Variants in TMTC2 observed in about 807,000 individuals in gnomAD.
TMTC2 encodes protein O-mannosyl-transferase TMTC2.
Under a neutral mutation model 82.4 loss-of-function variants are expected in TMTC2, and 43 were observed. That is an observed-to-expected ratio of 0.52 (90% CI 0.41 to 0.67). The LOEUF (loss-of-function observed/expected upper bound fraction) is 0.67. Ranked by LOEUF, TMTC2 falls within the 30% of genes least tolerant of loss-of-function variation. The probability of loss-of-function intolerance (pLI) is 0.00; values close to 1 mark genes in which losing one functional copy is unlikely to be tolerated. For synonymous variants in TMTC2, 408 were observed against 381.9 expected (o/e 1.07, Z -0.80); for missense variants, 919 against 1,012.4 (o/e 0.91, Z 1.25).
chr12:83,045,737 A>G (rs1326332499), intron 9 of TMTC2, among the ~76,000 whole-genome samples: 2 of 151,300 alleles, frequency 1.3e-5, no homozygotes, highest in Non-Finnish European at 1.5e-5. Context: ...GCACACACAC[A>G]CACACACACA....
At chr12:82,964,932 A>G in intron 4 of TMTC2, 92 bp from the exon 5 acceptor site, 1 of 749,476 alleles carries the variant, frequency 1.3e-6, no homozygotes, top group Non-Finnish European at 2.1e-6. Context: ...TGTGCTGTTA[A>G]CCATTTTTAT....
At chr12:83,114,622 C>G (rs1295213203) in intron 11 of TMTC2, among the ~76,000 whole-genome samples, 1 of 152,004 alleles carries the variant, frequency 6.6e-6, no homozygotes, top group African/African-American at 2.4e-5. Context: ...CTGTAATTTC[C>G]ACAATATATA....
chr12:83,131,482 TTAAC>T (rs1398159560), intron 11 of TMTC2, among the ~76,000 whole-genome samples: 3 of 152,220 alleles, frequency 2.0e-5, no homozygotes, highest in Non-Finnish European at 4.4e-5. Flanking sequence ...TGAGAATTAC[TTAAC>T]TACTTTTTAA....
chr12:83,119,413 C>T (rs1351283772), intron 11 of TMTC2, among the ~76,000 whole-genome samples: 2 of 152,136 alleles, frequency 1.3e-5, no homozygotes, highest in East Asian at 3.9e-4. Flanking sequence ...AATCATCATT[C>T]AGGATCAGGT....
rs149708803 is a variant in TMTC2, at chr12:82,896,326, C to A, written c.1163C>A (p.Pro388His). ...GATGTATCACAGAGAACCCAGCTTC[C>A]TTCTACGGAGAACATTGTTGTTCTG... ...KNDVSQRTQL[P>H]STENIVVLSL... is the part of the protein sequence containing the mutation. Residue 388 changes from proline to histidine, a missense_variant, in exon 3 of 12, where the codon CCT becomes CAT. Coordinates refer to ENST00000321196, the MANE Select transcript of TMTC2 (RefSeq NM_152588.3). 2 of 1,613,994 alleles carry A rather than the reference C, an allele frequency of 1.2e-6. No individual in the cohort carries two copies. Among genetic ancestry groups the A allele is most frequent in the Non-Finnish European group, 1.7e-6 (2 of 1,180,018 alleles).
At chr12:82,882,754 T>C (rs1448948112) in intron 2 of TMTC2, among the ~76,000 whole-genome samples, 1 of 152,092 alleles carries the variant, frequency 6.6e-6, no homozygotes, top group African/African-American at 2.4e-5. Context: ...GTGAAAACTT[T>C]AGTTTAAAAA....
intron 11 of TMTC2, among the ~76,000 whole-genome samples, chr12:83,073,859 T>G (rs754150037): frequency 6.6e-6 from 1 of 152,170 alleles, no homozygotes; most frequent in Non-Finnish European, 1.5e-5. Flanking sequence ...TTCTGTTTCC[T>G]TGAATATTTC....
At chr12:82,832,360 C>T (rs1375084906) in intron 1 of TMTC2, among the ~76,000 whole-genome samples, 1 of 146,890 alleles carries the variant, frequency 6.8e-6, no homozygotes, top group African/African-American at 2.5e-5. Flanking sequence ...TTTTTTTTGA[C>T]GCAAAGTTCC....
In TMTC2 at chr12:82,857,135, C is replaced by T; in HGVS notation, c.209C>T (p.Thr70Ile). The T allele has an allele frequency of 6.2e-7, 1 of 1,614,184 alleles. No homozygotes were observed. The highest frequency in any genetic ancestry group is 1.1e-5 in the South Asian group (1 of 91,082). Residue 70 changes from threonine to isoleucine, a missense_variant, in exon 2 of 12, where the codon ACT (threonine) becomes ATT (isoleucine). Coordinates refer to ENST00000321196, the MANE Select transcript of TMTC2 (RefSeq NM_152588.3). The part of the protein sequence containing the change: ...GSHKSYRPLC[T>I]LSFRLNHAIG... ...CACAAGTCCTACCGGCCACTCTGCA[C>T]TCTTTCTTTTCGCCTGAACCATGCC...
intron 3 of TMTC2, among the ~76,000 whole-genome samples, chr12:82,902,206 G>A (rs575727082): frequency 1.3e-5 from 2 of 152,060 alleles, no homozygotes; most frequent in South Asian, 4.2e-4. Context: ...GGCTCTTCCC[G>A]ATGACACTCT....
intron 1 of TMTC2, among the ~76,000 whole-genome samples, chr12:82,822,263 A>C (rs1488073505): frequency 3.3e-5 from 5 of 152,148 alleles, no homozygotes; most frequent in Non-Finnish European, 7.4e-5. Flanking sequence ...TAGAAGGTAC[A>C]ACACGAAGAA....
intron 1 of TMTC2, among the ~76,000 whole-genome samples, chr12:82,688,714 A>G (rs2136879084): frequency 6.6e-6 from 1 of 152,362 alleles, no homozygotes; most frequent in South Asian, 2.1e-4. Context: ...AAAAGTGAGC[A>G]CAGATTTACT....
At chr12:82,839,131 G>T (rs539211965) in intron 1 of TMTC2, among the ~76,000 whole-genome samples, 1 of 152,248 alleles carries the variant, frequency 6.6e-6, no homozygotes, top group South Asian at 2.1e-4. Flanking sequence ...AGCAGAGTTT[G>T]GAGTTCCTTT....
At chr12:83,032,852 C>T (rs569866468) in intron 9 of TMTC2, among the ~76,000 whole-genome samples, 3 of 152,218 alleles carry the variant, frequency 2.0e-5, no homozygotes, top group East Asian at 1.9e-4. Flanking sequence ...TGAGCCACTG[C>T]GCCCAGCCTA....
chr12:83,104,105 G>A (rs1422359182), intron 11 of TMTC2, among the ~76,000 whole-genome samples: 1 of 152,246 alleles, frequency 6.6e-6, no homozygotes, highest in Non-Finnish European at 1.5e-5. Context: ...TGGTGCAAGG[G>A]ATGAGTTCCC....
intron 3 of TMTC2, among the ~76,000 whole-genome samples, chr12:82,907,190 G>C (rs572407138): frequency 5.3e-5 from 8 of 152,090 alleles, no homozygotes; most frequent in African/African-American, 1.9e-4. Context: ...GGGGCCGGGC[G>C]TGGTGGCTCA....
intron 2 of TMTC2, among the ~76,000 whole-genome samples, chr12:82,886,828 A>G (rs1873123476): frequency 6.6e-6 from 1 of 152,190 alleles, no homozygotes; most frequent in African/African-American, 2.4e-5. Flanking sequence ...TATGTTCTAG[A>G]AACAATTCCT....
chr12:82,735,454 T>A (rs1006426422), intron 1 of TMTC2, among the ~76,000 whole-genome samples: 7 of 151,694 alleles, frequency 4.6e-5, no homozygotes, highest in African/African-American at 9.7e-5. Flanking sequence ...CATGCCATTC[T>A]CCTGTCTCAG....
intron 7 of TMTC2, among the ~76,000 whole-genome samples, chr12:82,981,090 G>A (rs1878894354): frequency 6.6e-6 from 1 of 151,858 alleles, no homozygotes; most frequent in South Asian, 2.1e-4. Context: ...CTGGATTGAT[G>A]TGCAAGATAT....
Sources: gnomAD v4.1 joint callset for allele counts (sites outside exome capture counted in the v4.1 genomes callset) on GRCh38, gnomAD v4.1.1 for gene constraint, MANE v1.5 for transcripts, NCBI Gene and HGNC (gene_info 2026-07-23, HGNC 2026-07-21) for gene names.